AFG3L2: variants seen among roughly 807,000 people sequenced by gnomAD.
The protein encoded by AFG3L2 is AFG3 like matrix AAA peptidase subunit 2, also known as mitochondrial inner membrane m-AAA protease component AFG3L2.
In AFG3L2, 54 loss-of-function variants were observed where a neutral mutation model predicts 94.5. That is an observed-to-expected ratio of 0.57 (90% CI 0.46 to 0.72). The LOEUF (loss-of-function observed/expected upper bound fraction) is 0.72. AFG3L2 is among the 30% of genes least tolerant of loss of function. The pLI is 0.00. For synonymous variants in AFG3L2, 377 were observed against 365.5 expected, an observed-to-expected ratio of 1.03 and a Z score of -0.36; for missense variants, 754 against 994.9, an observed-to-expected ratio of 0.76 and a Z score of 3.26.
At chr18:12,366,771 G>C (rs904095517) in intron 5 of AFG3L2, among the ~76,000 whole-genome samples, 194 bp downstream of exon 5, 1 of 152,144 alleles carries the variant, frequency 6.6e-6, no homozygotes, top group African/African-American at 2.4e-5. Context: ...AGAATTTGTG[G>C]GTAAATTTGA....
chr18:12,367,901 G>C (rs1047937596), intron 3 of AFG3L2, among the ~76,000 whole-genome samples: 40 of 152,196 alleles, frequency 2.6e-4, no homozygotes, highest in African/African-American at 8.9e-4. Flanking sequence ...GGGCGCGGTG[G>C]TTCACGCCTG....
intron 9 of AFG3L2, among the ~76,000 whole-genome samples, chr18:12,355,818 G>A (rs950329201): frequency 7.9e-5 from 12 of 151,892 alleles, no homozygotes; most frequent in African/African-American, 1.2e-4. Flanking sequence ...ACAGGCGCCC[G>A]CCACCACGCA....
Position 12,373,875 on chromosome 18 carries a change from G to A in AFG3L2, c.115-2184C>T, listed in dbSNP as rs973535503. ...TCTAGAATGGCACCAAGACACTCAT[G>A]AGAGCTCCACCCCCATGGCCCAAAC... is the stretch of plus-strand genomic sequence containing the variant. On this transcript the variant is annotated intron_variant, in intron 1 of 16. Coordinates refer to ENST00000269143, the MANE Select transcript of AFG3L2 (RefSeq NM_006796.3). Among the ~76,000 whole-genome samples, 9 of 152,158 alleles carry A rather than the reference G, an allele frequency of 5.9e-5. No homozygotes were observed. The East Asian group carries it at 1.7e-3, about 29-fold the overall frequency.
At chr18:12,376,820 G>A (rs901463036) in intron 1 of AFG3L2, 149 bp downstream of exon 1, 1 of 528,516 alleles carries the variant, frequency 1.9e-6, no homozygotes, top group Non-Finnish European at 3.0e-6. Flanking sequence ...GGGGCCGGCT[G>A]AGAGACAGCG....
Position 12,344,263 on chromosome 18 carries a change from C to CA in AFG3L2, c.1664-17dup, listed in dbSNP as rs750805669. 5 of 1,596,320 alleles carry CA rather than the reference C, an allele frequency of 3.1e-6. No individual in the cohort carries two copies. Among genetic ancestry groups the CA allele is most frequent in the Non-Finnish European group, 4.3e-6 (5 of 1,163,956 alleles). On this transcript the variant is annotated splice_polypyrimidine_tract_variant and intron_variant, in intron 13 of 16. Transcript: ENST00000269143. ...TTCTCTAAGCCTAACAAAATAACAA[C>CA]AAAAAAACCCAAGCCATTGTTACAG...
intron 8 of AFG3L2, among the ~76,000 whole-genome samples, chr18:12,357,997 G>T (rs937927584): frequency 7.7e-6 from 1 of 129,206 alleles, no homozygotes; most frequent in Non-Finnish European, 1.6e-5. Context: ...TTTATCTATA[G>T]AAGTAAGACA....
intron 16 of AFG3L2, among the ~76,000 whole-genome samples, chr18:12,331,570 G>C (rs1301968459): frequency 6.6e-6 from 1 of 152,088 alleles, no homozygotes; most frequent in African/African-American, 2.4e-5. Context: ...TGGGGCGGCG[G>C]ATCACCTGAG....
At chr18:12,362,726 G>C (rs1019310054) in intron 6 of AFG3L2, among the ~76,000 whole-genome samples, 24 of 152,328 alleles carry the variant, frequency 1.6e-4, no homozygotes, top group Non-Finnish European at 3.1e-4. Flanking sequence ...CCCTGTGCCT[G>C]ACATGGGCCG....
At position 12,358,885 on chromosome 18, in the gene AFG3L2, T is replaced by C. The variant is rs781266429; in HGVS notation, c.811A>G (p.Ile271Val). The C allele has an allele frequency of 1.8e-5, 29 of 1,614,096 alleles. No individual in the cohort carries two copies. The highest frequency in any genetic ancestry group is 2.5e-5 in the Non-Finnish European group (29 of 1,180,052). ...VLIIAFLLYT[I>V]RRGPAGIGRT... ...CCAATGCCAGCAGGCCCTCTTCTGA[T>C]GGTGTAGAGCAAGAAGGCGATGATG... Residue 271 changes from isoleucine (I) to valine (V), a missense_variant, in exon 8 of 17, where the codon ATC becomes GTC. Physicochemically the swap from Ile to Val is conservative, Grantham distance 29. This residue lies in a region of AFG3L2 where 130 missense variants were observed against 175.1 expected (regional missense o/e 0.74). Coordinates refer to ENST00000269143, the MANE Select transcript of AFG3L2 (RefSeq NM_006796.3).
chr18:12,367,683 T>C (rs969850529), intron 3 of AFG3L2, among the ~76,000 whole-genome samples: 5 of 152,160 alleles, frequency 3.3e-5, no homozygotes, highest in Non-Finnish European at 7.3e-5. Context: ...ACTTGTTGGA[T>C]GGGTGGCAGT....
At chr18:12,337,155 CTGCTCACCACAT>C in intron 16 of AFG3L2, 174 bp downstream of exon 16, 1 of 653,458 alleles carries the variant, frequency 1.5e-6, no homozygotes, top group East Asian at 2.7e-5. Context: ...GTGTCAACTT[CTGCTCACCACAT>C]TGCAACCCCC....
chr18:12,359,721 G>A (rs565087039), intron 7 of AFG3L2, among the ~76,000 whole-genome samples: 1 of 152,012 alleles, frequency 6.6e-6, no homozygotes, highest in South Asian at 2.1e-4. Flanking sequence ...CAGCCTGGGC[G>A]ACAGAGCGAA....
intron 12 of AFG3L2, among the ~76,000 whole-genome samples, chr18:12,349,655 A>G (rs1056319614): frequency 2.0e-5 from 3 of 151,608 alleles, no homozygotes; most frequent in African/African-American, 4.9e-5. Flanking sequence ...ACAAAAGACC[A>G]CATGTTTTTA....
At chr18:12,352,723 T>C (rs925471416) in intron 10 of AFG3L2, among the ~76,000 whole-genome samples, 4 of 152,190 alleles carry the variant, frequency 2.6e-5, no homozygotes, top group African/African-American at 7.2e-5. Context: ...TGTATTAGTA[T>C]AAAAGGGCCT....
At chr18:12,353,567 T>C (rs1199652055) in intron 9 of AFG3L2, among the ~76,000 whole-genome samples, 1 of 150,214 alleles carries the variant, frequency 6.7e-6, no homozygotes, top group Non-Finnish European at 1.5e-5. Flanking sequence ...TCCCGTCCCA[T>C]GTGCAGACAA....
chr18:12,340,423 TG>T (rs1907911842), intron 14 of AFG3L2, 22 bp from the exon 15 acceptor site: 1 of 1,565,626 alleles, frequency 6.4e-7, no homozygotes, highest in Non-Finnish European at 8.8e-7. Flanking sequence ...AAAACAGTGT[TG>T]AAGATCCTAC....
intron 15 of AFG3L2, among the ~76,000 whole-genome samples, chr18:12,339,494 G>A (rs1907869050): frequency 6.7e-6 from 1 of 149,964 alleles, no homozygotes; most frequent in African/African-American, 2.5e-5. Context: ...AGAGGTTGTG[G>A]TGAGCCGAGA....
At chr18:12,365,276 G>A (rs954017105) in intron 5 of AFG3L2, among the ~76,000 whole-genome samples, 7 of 152,192 alleles carry the variant, frequency 4.6e-5, no homozygotes, top group African/African-American at 1.7e-4. Context: ...AGGAGGAGCT[G>A]CAGCTATGGA....
chr18:12,332,870 A>T (rs1201991542), intron 16 of AFG3L2, among the ~76,000 whole-genome samples: 1 of 140,448 alleles, frequency 7.1e-6, no homozygotes, highest in East Asian at 2.0e-4. Context: ...GTTGTGGGTG[A>T]TCACTTACAT....
Sources: allele counts gnomAD v4.1 joint callset (sites outside exome capture counted in the v4.1 genomes callset), GRCh38; gene constraint gnomAD v4.1.1; regional missense constraint gnomAD v4.1.1; transcripts MANE v1.5; gene names NCBI Gene and HGNC (gene_info 2026-07-23, HGNC 2026-07-21).